Variants in TIMM17A observed in about 807,000 individuals in gnomAD.
The protein encoded by TIMM17A is mitochondrial import inner membrane translocase subunit Tim17-A.
A neutral mutation model predicts 26.5 loss-of-function variants in TIMM17A; 15 were observed. That is an observed-to-expected ratio of 0.57 (90% confidence interval 0.38 to 0.87). TIMM17A has a LOEUF of 0.87. TIMM17A is among the 40% of genes least tolerant of loss of function. TIMM17A has a pLI of 0.00. For synonymous variants in TIMM17A, 80 were observed against 70.8 expected, an observed-to-expected ratio of 1.13 and a Z score of -0.66; for missense variants, 201 against 210.0, an observed-to-expected ratio of 0.96 and a Z score of 0.27.
chr1:201,957,617 C>A (rs774110926), intron 3 of TIMM17A, 43 bp downstream of exon 3: 2 of 1,494,670 alleles, frequency 1.3e-6, no homozygotes, highest in South Asian at 2.4e-5. Context: ...TTTTTCTGTT[C>A]CTTTGAAGAT....
intron 5 of TIMM17A, among the ~76,000 whole-genome samples, chr1:201,968,456 G>A (rs189286864): frequency 1.1e-4 from 17 of 150,480 alleles, no homozygotes; most frequent in Non-Finnish European, 2.5e-4. Context: ...GCAATGGCGC[G>A]ATCTCTTCTC....
chr1:201,963,651 A>AT lies in TIMM17A; in HGVS notation c.228dup (p.Asp77Ter), dbSNP rs1439013741. On this transcript the variant is annotated frameshift_variant, in exon 4 of 6. Coordinates refer to ENST00000367287, the MANE Select transcript of TIMM17A (RefSeq NM_006335.3). LOFTEE classifies it high-confidence loss of function. ...AGTTTGGGGAGGGCTGTTTTCCATG[A>AT]TTGACTGTAGTATGGTTCAAGTCAG... 13 of 1,608,636 alleles carry AT rather than the reference A, an allele frequency of 8.1e-6. No individual in the cohort carries two copies. Among genetic ancestry groups the AT allele is most frequent in the Non-Finnish European group, 9.3e-6 (11 of 1,178,708 alleles).
intron 3 of TIMM17A, among the ~76,000 whole-genome samples, chr1:201,960,554 G>GA (rs1345070915): frequency 6.6e-6 from 1 of 152,150 alleles, no homozygotes; most frequent in Non-Finnish European, 1.5e-5. Flanking sequence ...TGATATGAGT[G>GA]AATTGGAATT....
At chr1:201,962,490 G>T (rs1214474438) in intron 3 of TIMM17A, 1 of 152,196 alleles carries the variant, frequency 6.6e-6, no homozygotes, top group African/African-American at 2.4e-5. Flanking sequence ...GGGACTACAG[G>T]TGCCCGCCAT....
intron 4 of TIMM17A, 67 bp from the exon 5 acceptor site, chr1:201,965,366 C>A (rs1682609683): frequency 2.6e-6 from 3 of 1,140,906 alleles, no homozygotes; most frequent in Non-Finnish European, 4.0e-6. Flanking sequence ...CAGTTCTCTT[C>A]TTTACTATCT....
chr1:201,962,970 G>A (rs1682560196), intron 3 of TIMM17A: 1 of 152,258 alleles, frequency 6.6e-6, no homozygotes, highest in African/African-American at 2.4e-5. Flanking sequence ...AGGAAGCAGA[G>A]TAGTTTGATT....
intron 5 of TIMM17A, among the ~76,000 whole-genome samples, chr1:201,966,958 GTTATATA>G (rs907145719): frequency 7.2e-5 from 10 of 138,520 alleles, no homozygotes; most frequent in East Asian, 2.0e-4. Flanking sequence ...TATTATATAT[GTTATATA>G]TTATATATGT....
intron 5 of TIMM17A, among the ~76,000 whole-genome samples, 155 bp from the exon 6 acceptor site, chr1:201,969,314 T>A (rs555802943): frequency 2.0e-5 from 3 of 152,244 alleles, no homozygotes; most frequent in Non-Finnish European, 4.4e-5. Context: ...AGTACTCTTA[T>A]GGGAATTAGG....
In TIMM17A at chr1:201,963,745, G is replaced by T. The variant is rs772562770; in HGVS notation, c.319+1G>T. On this transcript the variant is annotated splice_donor_variant, in intron 4 of 5. Transcript: ENST00000367287. LOFTEE classifies it high-confidence loss of function. ...ACGGGAGCCATACTGGCAGCAAGAA[G>T]TAAGTAGTCATTACAGACATACTAG... 1.9e-6 allele frequency: 3 copies of T among 1,595,612 alleles called. No individual in the cohort carries two copies. The highest frequency in any genetic ancestry group is 2.6e-6 in the Non-Finnish European group (3 of 1,175,508).
chr1:201,961,391 A>G (rs1476809088), intron 3 of TIMM17A, among the ~76,000 whole-genome samples: 2 of 152,154 alleles, frequency 1.3e-5, no homozygotes, highest in Admixed American at 1.3e-4. Flanking sequence ...TCATAGAGAA[A>G]ATAAGATAGG....
Position 201,957,350 on chromosome 1 carries a change from A to G in TIMM17A, c.96A>G (p.Gln32=), listed in dbSNP as rs1352474644. 3.1e-6 allele frequency: 5 copies of G among 1,614,032 alleles called. No individual in the cohort carries two copies. The highest frequency in any genetic ancestry group is 2.2e-5 in the East Asian group (1 of 44,882). ...GTACCATTGGTGGTGGTATCTTTCA[A>G]GCAATCAAAGGTTTTCGCAATTCTC... is the stretch of plus-strand genomic sequence containing the variant. The part of the protein sequence containing the change: ...TMGTIGGGIF[Q]AIKGFRNSPV... Residue 32 remains glutamine (Q), a synonymous_variant, in exon 2 of 6, where the codon CAA becomes CAG. Coordinates refer to ENST00000367287, the MANE Select transcript of TIMM17A (RefSeq NM_006335.3).
intron 3 of TIMM17A, chr1:201,962,149 G>A (rs1175155317): frequency 6.6e-6 from 1 of 152,062 alleles, no homozygotes; most frequent in African/African-American, 2.4e-5. Context: ...GGCTCATGAG[G>A]AAATGGGAGG....
In TIMM17A at chr1:201,957,543, A is replaced by G. The variant is rs1682438771; in HGVS notation, c.159A>G (p.Thr53=). 1.9e-6 allele frequency: 3 copies of G among 1,613,742 alleles called. No individual in the cohort carries two copies. Among genetic ancestry groups the G allele is most frequent in the South Asian group, 1.1e-5 (1 of 90,986 alleles). The part of the protein sequence containing the change: ...GVNHRLRGSL[T]AIKTRAPQLG... Reference sequence around the variant, plus strand: ...ACCACAGACTACGAGGGAGTTTGACAGCTATTAAAACCAGGGCTCCACAGT... The same window carrying G: ...ACCACAGACTACGAGGGAGTTTGACGGCTATTAAAACCAGGGCTCCACAGT... The change falls in exon 3 of 6, where the codon ACA becomes ACG. Residue 53 remains threonine, a synonymous_variant. Transcript: ENST00000367287.
At chr1:201,966,746 G>T (rs1682633048) in intron 5 of TIMM17A, among the ~76,000 whole-genome samples, 1 of 151,040 alleles carries the variant, frequency 6.6e-6, no homozygotes, top group Admixed American at 6.6e-5. Context: ...GGAGGCTGAG[G>T]TACAAGAATC....
At chr1:201,964,571 A>G (rs1307588415) in intron 4 of TIMM17A, among the ~76,000 whole-genome samples, 2 of 151,714 alleles carry the variant, frequency 1.3e-5, no homozygotes, top group African/African-American at 4.8e-5. Context: ...TGGATAATAC[A>G]TAAACGAAAC....
chr1:201,961,779 C>T lies in TIMM17A; in HGVS notation c.191-1837C>T, dbSNP rs1351216536. Among the ~76,000 whole-genome samples, 7 of 151,962 alleles carry T rather than the reference C, an allele frequency of 4.6e-5. No homozygotes were observed. In the East Asian group the frequency reaches 1.4e-3, roughly 29 times the overall value. The stretch of plus-strand genomic sequence containing the variant: ...GAAAATCACAAGTTTATATTGATAT[C>T]TCGTATTTCCAGTTCATCCCACAGG... On this transcript the variant is annotated intron_variant, in intron 3 of 5. Transcript: ENST00000367287.
intron 3 of TIMM17A, 66 bp from the exon 4 acceptor site, chr1:201,963,548 CTA>C (rs1682572073): frequency 6.6e-7 from 1 of 1,525,762 alleles, no homozygotes; most frequent in African/African-American, 1.4e-5. Flanking sequence ...ATGTTTTTGA[CTA>C]TAATATTTTA....
At position 201,955,547 on chromosome 1, in the gene TIMM17A, G is replaced by C. The variant is rs377072616; in HGVS notation, c.21G>C (p.Glu7Asp). The C allele has an allele frequency of 1.4e-5, 23 of 1,614,248 alleles. No individual in the cohort carries two copies. The highest frequency in any genetic ancestry group is 1.9e-5 in the Non-Finnish European group (23 of 1,180,046). MEEYAR[E>D]PCPWRIVDDC... ...TCAAGATGGAGGAGTACGCGCGAGA[G>C]CCTTGGTGAGCTTCACCGCTGTCTT... Residue 7 changes from glutamate (E) to aspartate (D), a missense_variant, in exon 1 of 6, where the codon GAG becomes GAC. Coordinates refer to ENST00000367287, the MANE Select transcript of TIMM17A (RefSeq NM_006335.3).
intron 3 of TIMM17A, among the ~76,000 whole-genome samples, chr1:201,960,724 G>A (rs1230929238): frequency 6.6e-6 from 1 of 151,958 alleles, no homozygotes; most frequent in Admixed American, 6.6e-5. Flanking sequence ...GGCAGTATGG[G>A]AAAATCATAG....
Sources: gnomAD v4.1 joint callset for allele counts (sites outside exome capture counted in the v4.1 genomes callset) on GRCh38, gnomAD v4.1.1 for gene constraint, MANE v1.5 for transcripts, NCBI Gene and HGNC (gene_info 2026-07-23, HGNC 2026-07-21) for gene names.